Variants in ZNF366 observed in about 807,000 individuals in gnomAD.
ZNF366 encodes the protein zinc finger protein 366.
In ZNF366, 20 loss-of-function variants were observed where a neutral mutation model predicts 47.2. The observed-to-expected ratio is 0.42, with a 90% confidence interval of 0.30 to 0.62. The LOEUF (loss-of-function observed/expected upper bound fraction) is 0.62. Ranked by LOEUF, ZNF366 falls within the 20% of genes least tolerant of loss-of-function variation. The pLI is 0.16. For synonymous variants in ZNF366, 421 were observed against 395.1 expected (o/e 1.07, Z -0.78); for missense variants, 987 against 976.3 (o/e 1.01, Z -0.15).
rs1486840560 is a variant in ZNF366 at position 72,479,892 on chromosome 5, GT to G, written c.-14-18383del. Reference sequence around the variant, plus strand: ...GGACTGAATTTCAGGTTTAAAATTTGTAAAAACAACACATACTAATATAACC... The same window carrying G: ...GGACTGAATTTCAGGTTTAAAATTTGAAAAACAACACATACTAATATAACC... On this transcript the variant is annotated intron_variant, in intron 1 of 4. Transcript: ENST00000318442. 3.3e-5 allele frequency among the ~76,000 whole-genome samples: 5 copies of G among 152,184 alleles called. No homozygotes were observed. In the East Asian group the frequency reaches 9.6e-4, roughly 29 times the overall value.
chr5:72,453,505 A>G (rs1580233378), intron 3 of ZNF366, among the ~76,000 whole-genome samples: 1 of 152,234 alleles, frequency 6.6e-6, no homozygotes, highest in Admixed American at 6.5e-5. Flanking sequence ...CAAATCCCCA[A>G]CAACCTTCAA....
chr5:72,451,738 C>T (rs1014740111), intron 3 of ZNF366, among the ~76,000 whole-genome samples: 5 of 152,162 alleles, frequency 3.3e-5, no homozygotes, highest in South Asian at 2.1e-4. Context: ...GAAATGCAAG[C>T]GGTTGTGCCT....
At chr5:72,458,004 G>T (rs900335258) in intron 2 of ZNF366, among the ~76,000 whole-genome samples, 2 of 147,062 alleles carry the variant, frequency 1.4e-5, no homozygotes, top group Admixed American at 6.8e-5. Context: ...TTTTATTTTA[G>T]CATCTTTCTT....
intron 1 of ZNF366, among the ~76,000 whole-genome samples, chr5:72,476,044 C>G (rs941491361): frequency 2.0e-5 from 3 of 152,092 alleles, no homozygotes; most frequent in African/African-American, 7.2e-5. Flanking sequence ...TCTTTCACAG[C>G]CTCAAGTTTT....
At chr5:72,501,761 T>A (rs1194310715) in intron 1 of ZNF366, among the ~76,000 whole-genome samples, 1 of 152,150 alleles carries the variant, frequency 6.6e-6, no homozygotes, top group Non-Finnish European at 1.5e-5. Context: ...CCGTTCTCTG[T>A]CTCGCCAAAA....
intron 1 of ZNF366, among the ~76,000 whole-genome samples, chr5:72,502,714 T>C (rs576281223): frequency 8.5e-5 from 13 of 152,344 alleles, no homozygotes; most frequent in African/African-American, 3.1e-4. Context: ...CCTTATGAGA[T>C]AGAATCTACT....
At chr5:72,451,199 C>A (rs767628061) in intron 3 of ZNF366, among the ~76,000 whole-genome samples, 1 of 152,252 alleles carries the variant, frequency 6.6e-6, no homozygotes, top group Non-Finnish European at 1.5e-5. Context: ...GATCTCATTG[C>A]GCAGGTGCGC....
At chr5:72,474,081 A>C (rs1580244871) in intron 1 of ZNF366, among the ~76,000 whole-genome samples, 1 of 152,364 alleles carries the variant, frequency 6.6e-6, no homozygotes, top group Admixed American at 6.5e-5. Flanking sequence ...TGCAGCAGCA[A>C]ACATTATCAT....
Position 72,485,201 on chromosome 5 carries a change from A to C in ZNF366, c.-15+22050T>G, listed in dbSNP as rs558226065. ...TCAACATTGACACTCAGCACATGTT[A>C]GAGTGGTCATTTTACATGGATTTGT... On this transcript the variant is annotated intron_variant, in intron 1 of 4. Transcript: ENST00000318442. Among the ~76,000 whole-genome samples, 5 of 152,368 alleles carry C rather than the reference A, an allele frequency of 3.3e-5. No individual in the cohort carries two copies. The South Asian group carries it at 1.0e-3, about 32-fold the overall frequency.
At chr5:72,465,252 G>A (rs1478383739) in intron 1 of ZNF366, among the ~76,000 whole-genome samples, 5 of 152,024 alleles carry the variant, frequency 3.3e-5, no homozygotes, top group Admixed American at 3.3e-4. Flanking sequence ...GATCAGCTGT[G>A]GCTGCTTCTA....
intron 1 of ZNF366, among the ~76,000 whole-genome samples, chr5:72,487,586 G>T (rs1291161538): frequency 2.0e-5 from 3 of 151,896 alleles, no homozygotes; most frequent in Admixed American, 2.0e-4. Flanking sequence ...TTGGCTTCTG[G>T]GATACTCTAG....
intron 1 of ZNF366, among the ~76,000 whole-genome samples, chr5:72,476,130 A>C (rs1439453613): frequency 6.6e-6 from 1 of 152,102 alleles, no homozygotes; most frequent in Non-Finnish European, 1.5e-5. Flanking sequence ...ACTAGATCCT[A>C]AGTTTCATAA....
At chr5:72,466,884 G>A (rs62360607) in intron 1 of ZNF366, among the ~76,000 whole-genome samples, 13,320 of 152,230 alleles carry the variant, frequency 0.087, 706 homozygotes, top group South Asian at 0.14. Context: ...TCAGATTCAG[G>A]GTAAGCCCTA....
At chr5:72,472,745 G>A (rs762048263) in intron 1 of ZNF366, among the ~76,000 whole-genome samples, 16 of 152,276 alleles carry the variant, frequency 1.1e-4, no homozygotes, top group African/African-American at 2.9e-4. Flanking sequence ...GCACTCTGGC[G>A]TGTCAAGGGT....
intron 1 of ZNF366, chr5:72,472,606 G>C: frequency 9.3e-6 from 9 of 971,188 alleles, no homozygotes; most frequent in Non-Finnish European, 1.1e-5. Flanking sequence ...AGTTAACCTT[G>C]AAATAAAGAA....
chr5:72,448,816 C>T (rs1001509234), intron 3 of ZNF366, among the ~76,000 whole-genome samples: 1 of 152,212 alleles, frequency 6.6e-6, no homozygotes, highest in African/African-American at 2.4e-5. Context: ...ATAGACCTCT[C>T]AAATGATGAT....
At chr5:72,448,784 T>A (rs1345640007) in intron 3 of ZNF366, among the ~76,000 whole-genome samples, 1 of 151,980 alleles carries the variant, frequency 6.6e-6, no homozygotes, top group African/African-American at 2.4e-5. Flanking sequence ...AGATGAGTGT[T>A]GAGCTCGTCT....
At position 72,461,093 on chromosome 5, in the gene ZNF366, C is replaced by T; in HGVS notation, c.404G>A (p.Gly135Asp). The change falls in exon 2 of 5, where the codon GGC (glycine) becomes GAC (aspartate). Residue 135 changes from glycine (G) to aspartate (D), a missense_variant. Transcript: ENST00000318442. ...DSQMIDLCNV[G>D]FQFYRSLEHF... ...TTCCAGGCTGCGGTAGAATTGGAAG[C>T]CCACGTTGCACAGGTCGATCATCTG... The T allele has an allele frequency of 6.2e-7, 1 of 1,614,074 alleles. No individual in the cohort carries two copies. The highest frequency in any genetic ancestry group is 8.5e-7 in the Non-Finnish European group (1 of 1,180,020).
intron 1 of ZNF366, among the ~76,000 whole-genome samples, chr5:72,487,637 CCCTTGTCCCTCT>C (rs1464404792): frequency 6.6e-6 from 1 of 152,146 alleles, no homozygotes; most frequent in African/African-American, 2.4e-5. Context: ...CTGACAGCAA[CCCTTGTCCCTCT>C]CCCTCAGGGA....
Sources: gnomAD v4.1 joint callset for allele counts (sites outside exome capture counted in the v4.1 genomes callset) on GRCh38, gnomAD v4.1.1 for gene constraint, MANE v1.5 for transcripts, NCBI Gene and HGNC (gene_info 2026-07-23, HGNC 2026-07-21) for gene names.